The following RASGRF2 variants were observed in gnomAD, a reference collection of about 807,000 sequenced individuals.
RASGRF2 encodes the protein ras-specific guanine nucleotide-releasing factor 2.
Under a neutral mutation model 151.0 loss-of-function variants are expected in RASGRF2, and 76 were observed. That is an observed-to-expected ratio of 0.50 (90% confidence interval 0.42 to 0.61). RASGRF2 has a LOEUF of 0.61. Among genes scored for constraint, RASGRF2 ranks in the 20% least tolerant of loss-of-function variants. The probability of loss-of-function intolerance (pLI) is 0.00; values close to 1 mark genes in which losing one functional copy is unlikely to be tolerated. For synonymous variants in RASGRF2, 504 were observed against 566.5 expected (o/e 0.89, Z 1.57); for missense variants, 1,148 against 1,564.6 (o/e 0.73, Z 4.49).
intron 17 of RASGRF2, among the ~76,000 whole-genome samples, chr5:81,148,281 C>T (rs1754051134): frequency 6.6e-6 from 1 of 152,132 alleles, no homozygotes; most frequent in South Asian, 2.1e-4. Context: ...TTCACAGCCA[C>T]ATCTCTCTGA....
At chr5:81,041,854 TCA>T (rs1340142329) in intron 1 of RASGRF2, among the ~76,000 whole-genome samples, 1 of 152,146 alleles carries the variant, frequency 6.6e-6, no homozygotes, top group Non-Finnish European at 1.5e-5. Context: ...TCCTTTGTGG[TCA>T]CACACTCCCA....
At chr5:80,972,414 AT>A (rs1044731738) in intron 1 of RASGRF2, among the ~76,000 whole-genome samples, 2 of 151,894 alleles carry the variant, frequency 1.3e-5, no homozygotes, top group African/African-American at 4.8e-5. Flanking sequence ...TTTGATTTGG[AT>A]TTTCATTTCT....
rs925655614 is a variant in RASGRF2 at position 81,207,053 on chromosome 5, G to T, written c.2967+148G>T. Reference sequence around the variant, plus strand: ...CTCTGTGAGATGAACCACATTTGGTGTGGGGTCTAGCAGTTGGTCTAAGAT... The same window carrying T: ...CTCTGTGAGATGAACCACATTTGGTTTGGGGTCTAGCAGTTGGTCTAAGAT... On this transcript the variant is annotated intron_variant, in intron 20 of 26. Coordinates refer to ENST00000265080, the MANE Select transcript of RASGRF2 (RefSeq NM_006909.3). The T allele has an allele frequency of 1.1e-4, 93 of 827,404 alleles. No individual in the cohort carries two copies. In the South Asian group the frequency reaches 1.5e-3, roughly 13 times the overall value. The allele number at this position is 827,404 out of a possible 1,614,324, so 51.3% of individuals were successfully genotyped here. A position where few individuals can be genotyped will look rare whatever the true frequency, so the allele number is the denominator to read the frequency against.
intron 15 of RASGRF2, among the ~76,000 whole-genome samples, chr5:81,119,487 C>T (rs919032829): frequency 1.3e-5 from 2 of 152,192 alleles, no homozygotes; most frequent in East Asian, 3.9e-4. Context: ...AACACTGTTG[C>T]ATTGGAGTTT....
At chr5:81,101,562 C>T (rs964830303) in intron 12 of RASGRF2, among the ~76,000 whole-genome samples, 4 of 151,852 alleles carry the variant, frequency 2.6e-5, no homozygotes, top group Non-Finnish European at 5.9e-5. Flanking sequence ...AAACCATTCC[C>T]CTATTTTATA....
intron 1 of RASGRF2, among the ~76,000 whole-genome samples, chr5:81,004,960 C>T (rs765692478): frequency 6.6e-6 from 1 of 152,090 alleles, no homozygotes; most frequent in East Asian, 1.9e-4. Flanking sequence ...ACTGAATTTC[C>T]AAACATTTTC....
intron 1 of RASGRF2, among the ~76,000 whole-genome samples, chr5:80,985,322 A>G (rs963503832): frequency 6.6e-6 from 1 of 152,216 alleles, no homozygotes; most frequent in Non-Finnish European, 1.5e-5. Flanking sequence ...AATTTTCTTC[A>G]TGCTTATTTA....
intron 18 of RASGRF2, chr5:81,183,052 C>A: frequency 2.4e-6 from 1 of 414,968 alleles, no homozygotes; most frequent in Non-Finnish European, 3.2e-6. Context: ...AAGAATATAG[C>A]ATTATTGTGG....
At chr5:80,985,924 GGTGT>G (rs57558988) in intron 1 of RASGRF2, among the ~76,000 whole-genome samples, 4 of 149,884 alleles carry the variant, frequency 2.7e-5, no homozygotes, top group Non-Finnish European at 4.5e-5. Context: ...TAGGTCTTTA[GGTGT>G]GTGTGTGTGT....
At position 81,227,949 on chromosome 5, in the gene RASGRF2, C is replaced by A. The variant is rs1460552014; in HGVS notation, c.*2179C>A. The A allele has an allele frequency of 1.3e-5, 2 of 152,184 alleles. No homozygotes were observed. The highest frequency in any genetic ancestry group is 4.8e-5 in the African/African-American group (2 of 41,440). 9.4% of individuals were successfully genotyped at this position (152,184 alleles called of 1,614,324 possible). ...TTAACAAAAAATAAGACAGGAGTTT[C>A]CAAATGCTCCTTCCCTTTTGGATCG... is the stretch of plus-strand genomic sequence containing the variant. On this transcript the variant is annotated 3_prime_UTR_variant, in exon 27 of 27. Transcript: ENST00000265080.
At chr5:81,098,952 C>T (rs1465342214) in intron 12 of RASGRF2, among the ~76,000 whole-genome samples, 1 of 152,186 alleles carries the variant, frequency 6.6e-6, no homozygotes, top group Non-Finnish European at 1.5e-5. Context: ...TATGGACACA[C>T]AAATGAACTA....
At chr5:81,146,381 T>C (rs540632537) in intron 17 of RASGRF2, among the ~76,000 whole-genome samples, 1 of 152,278 alleles carries the variant, frequency 6.6e-6, no homozygotes, top group African/African-American at 2.4e-5. Context: ...ACACATTCTA[T>C]GTACCCTAGC....
intron 22 of RASGRF2, chr5:81,210,194 T>C (rs1398131753): frequency 2.0e-5 from 3 of 152,504 alleles, no homozygotes; most frequent in African/African-American, 4.8e-5. Flanking sequence ...AAAGAACACG[T>C]AGGGGGCCGT....
chr5:81,119,318 G>A (rs768392502), intron 15 of RASGRF2, among the ~76,000 whole-genome samples: 3 of 152,212 alleles, frequency 2.0e-5, no homozygotes, highest in Non-Finnish European at 2.9e-5. Flanking sequence ...CATCTGGTGA[G>A]GGCCTTCTTG....
intron 18 of RASGRF2, among the ~76,000 whole-genome samples, chr5:81,190,696 T>G (rs1755137074): frequency 6.6e-6 from 1 of 152,216 alleles, no homozygotes; most frequent in Non-Finnish European, 1.5e-5. Flanking sequence ...ACCAAAGTTT[T>G]TTCTTATTTT....
chr5:81,040,626 G>C (rs1750648679), intron 1 of RASGRF2, among the ~76,000 whole-genome samples: 1 of 149,954 alleles, frequency 6.7e-6, no homozygotes, highest in Non-Finnish European at 1.5e-5. Context: ...ACAGGGCCAA[G>C]ACCATGGGGG....
intron 1 of RASGRF2, among the ~76,000 whole-genome samples, chr5:81,008,087 T>C (rs1434011118): frequency 6.6e-6 from 1 of 151,596 alleles, no homozygotes; most frequent in Non-Finnish European, 1.5e-5. Flanking sequence ...TGTGTAGTAA[T>C]TGGAAAAAGT....
rs187371376 is a variant in RASGRF2, at chr5:81,057,130, A to G, written c.396-10902A>G. ...TAATTGGAGCATTTAGCCCATTTAC[A>G]TTTAAGGTTAATATTGTTATGTGTG... On this transcript the variant is annotated intron_variant, in intron 2 of 26. Coordinates refer to ENST00000265080, the MANE Select transcript of RASGRF2 (RefSeq NM_006909.3). Among the ~76,000 whole-genome samples the G allele has an allele frequency of 2.6e-5, 4 of 152,286 alleles. No homozygotes were observed. The East Asian group carries it at 5.8e-4, about 22-fold the overall frequency.
intron 1 of RASGRF2, among the ~76,000 whole-genome samples, chr5:81,010,461 T>C (rs1435023775): frequency 6.6e-6 from 1 of 152,176 alleles, no homozygotes; most frequent in Non-Finnish European, 1.5e-5. Context: ...AAGAGTGTGG[T>C]GTGAGCTCAA....
Sources: allele counts gnomAD v4.1 joint callset (sites outside exome capture counted in the v4.1 genomes callset), GRCh38; gene constraint gnomAD v4.1.1; transcripts MANE v1.5; gene names NCBI Gene and HGNC (gene_info 2026-07-23, HGNC 2026-07-21).